Variants in PDCD6 observed in about 807,000 individuals in gnomAD.
PDCD6 encodes the protein programmed cell death 6.
In PDCD6, 12 loss-of-function variants were observed where a neutral mutation model predicts 28.3. That is an observed-to-expected ratio of 0.42 (90% CI 0.27 to 0.69). The LOEUF (loss-of-function observed/expected upper bound fraction) is 0.69. Among genes scored for constraint, PDCD6 ranks in the 30% least tolerant of loss-of-function variants. The probability of loss-of-function intolerance (pLI) is 0.22; values close to 1 mark genes in which losing one functional copy is unlikely to be tolerated. For missense variants in PDCD6, 226 were observed against 269.9 expected (o/e 0.84, Z 1.14); for synonymous variants, 92 against 108.0 (o/e 0.85, Z 0.92).
intron 1 of PDCD6, 67 bp from the exon 2 acceptor site, chr5:272,644 G>A (rs2126673080): frequency 4.6e-6 from 7 of 1,535,556 alleles, no homozygotes; most frequent in Non-Finnish European, 6.2e-6. Context: ...AGGGTTGACA[G>A]AAGACGTTTG....
In PDCD6 at chr5:271,693, G is replaced by A; in HGVS notation, c.-28G>A. On this transcript the variant is annotated 5_prime_UTR_variant, in exon 1 of 6. Coordinates refer to ENST00000264933, the MANE Select transcript of PDCD6 (RefSeq NM_013232.4). Reference sequence around the variant, plus strand: ...TGAGAGGTCTCTCGTCGCTGCAGGCGCCTCAGCCCAGCCGCGTGCCTTGGC... The same window carrying A: ...TGAGAGGTCTCTCGTCGCTGCAGGCACCTCAGCCCAGCCGCGTGCCTTGGC... The A allele has an allele frequency of 7.3e-7, 1 of 1,371,992 alleles. No homozygotes were observed. Among genetic ancestry groups the A allele is most frequent in the Non-Finnish European group, 1.0e-6 (1 of 997,058 alleles). The allele number at this position is 1,371,992 out of a possible 1,614,324, so 85.0% of individuals were successfully genotyped here.
At chr5:302,488 CTGCTG>C (rs1740153854) in intron 2 of PDCD6, among the ~76,000 whole-genome samples, 1 of 78,690 alleles carries the variant, frequency 1.3e-5, no homozygotes, top group Non-Finnish European at 2.2e-5. Flanking sequence ...TGGAGTGCTG[CTGCTG>C]TGTGTGTGTG....
Position 314,781 on chromosome 5 carries a change from G to T in PDCD6, c.*266G>T. On this transcript the variant is annotated 3_prime_UTR_variant, in exon 6 of 6. Transcript: ENST00000264933. ...ATGTAATGTTTCAGGCATTCTGCTT[G>T]CAAAAAAATCTATCATGTGCTTTTC... is the stretch of plus-strand genomic sequence containing the variant. 1.9e-6 allele frequency: 1 copy of T among 531,780 alleles called. No individual in the cohort carries two copies. Among genetic ancestry groups the T allele is most frequent in the South Asian group, 2.0e-5 (1 of 51,064 alleles). The allele number at this position is 531,780 out of a possible 1,614,324, so 32.9% of individuals were successfully genotyped here. A position where few individuals can be genotyped will look rare whatever the true frequency, so the allele number is the denominator to read the frequency against.
chr5:314,577 T>G lies in PDCD6; in HGVS notation c.*62T>G. 1 of 1,164,368 alleles carries G rather than the reference T, an allele frequency of 8.6e-7. No homozygotes were observed. Among genetic ancestry groups the G allele is most frequent in the Non-Finnish European group, 1.3e-6 (1 of 774,102 alleles). The allele number at this position is 1,164,368 out of a possible 1,614,324, so 72.1% of individuals were successfully genotyped here. A position where few individuals can be genotyped will look rare whatever the true frequency, so the allele number is the denominator to read the frequency against. On this transcript the variant is annotated 3_prime_UTR_variant, in exon 6 of 6. Transcript: ENST00000264933. ...GAGCCAAAATGTCACAGTTCCTATCTGTGAGGGAATGGAGCACAGGTGCAG... is the reference window on the plus strand; with the variant it reads ...GAGCCAAAATGTCACAGTTCCTATCGGTGAGGGAATGGAGCACAGGTGCAG...
At chr5:302,993 C>T (rs1048690256) in intron 2 of PDCD6, among the ~76,000 whole-genome samples, 26 of 152,220 alleles carry the variant, frequency 1.7e-4, no homozygotes, top group African/African-American at 6.3e-4. Context: ...GGGAGGTGCT[C>T]AGGCGGAGCA....
chr5:314,724 TTTGGTGACTGTCTCA>T lies in PDCD6; in HGVS notation c.*213_*227del, dbSNP rs1741159005. ...GTATCGTTCTAATGCAGACATTGGA[TTTGGTGACTGTCTCA>T]TTGTGCCATGAGGTAAATGTAATGT... On this transcript the variant is annotated 3_prime_UTR_variant, in exon 6 of 6. Transcript: ENST00000264933. 6.1e-6 allele frequency: 4 copies of T among 654,902 alleles called. No individual in the cohort carries two copies. The highest frequency in any genetic ancestry group is 1.1e-5 in the Non-Finnish European group (4 of 354,406). The allele number at this position is 654,902 out of a possible 1,614,324, so 40.6% of individuals were successfully genotyped here. A position where few individuals can be genotyped will look rare whatever the true frequency, so the allele number is the denominator to read the frequency against.
intron 2 of PDCD6, among the ~76,000 whole-genome samples, chr5:298,109 G>C (rs560913612): frequency 1.3e-5 from 2 of 152,218 alleles, no homozygotes; most frequent in Admixed American, 6.5e-5. Flanking sequence ...CAGGCACACA[G>C]AACTGACCCA....
intron 2 of PDCD6, among the ~76,000 whole-genome samples, chr5:281,230 TCTG>T (rs1251428513): frequency 1.3e-5 from 2 of 152,376 alleles, no homozygotes; most frequent in Admixed American, 6.5e-5. Context: ...TTCATTTACT[TCTG>T]CTGCAGTTTT....
At chr5:312,770 A>G (rs1305048798) in intron 5 of PDCD6, among the ~76,000 whole-genome samples, 1 of 152,148 alleles carries the variant, frequency 6.6e-6, no homozygotes, top group Non-Finnish European at 1.5e-5. Flanking sequence ...AGATCACACC[A>G]CTGCACTCCA....
rs74787761 is a variant in PDCD6, at chr5:307,876, C to T, written c.367+1116C>T. 7.2e-5 allele frequency among the ~76,000 whole-genome samples: 11 copies of T among 152,212 alleles called. No individual in the cohort carries two copies. Among genetic ancestry groups the T allele is most frequent in the South Asian group, 2.1e-4 (1 of 4,816 alleles). On this transcript the variant is annotated intron_variant, in intron 4 of 5. Transcript: ENST00000264933. This position sits in a 1 kb window ranked among gnomAD's most constrained non-coding sequence, Gnocchi z 6.1. Reference sequence around the variant, plus strand: ...CACCTTACGAGCTTGTCCACAGGGCCGGGGGTGGACACTGGGTCTCCTCAA... The same window carrying T: ...CACCTTACGAGCTTGTCCACAGGGCTGGGGGTGGACACTGGGTCTCCTCAA...
intron 4 of PDCD6, chr5:308,100 G>A (rs531083426): frequency 6.6e-6 from 1 of 152,420 alleles, no homozygotes; most frequent in Admixed American, 6.5e-5. Context: ...GGTCCTGGGG[G>A]CCAGGGAGGC....
At chr5:278,144 C>T (rs1738320970) in intron 2 of PDCD6, among the ~76,000 whole-genome samples, 1 of 152,148 alleles carries the variant, frequency 6.6e-6, no homozygotes, top group African/African-American at 2.4e-5. Context: ...TGTTCAGAGG[C>T]AGAGACAGGC....
chr5:293,254 G>A (rs1446746224), intron 2 of PDCD6, among the ~76,000 whole-genome samples: 4 of 149,834 alleles, frequency 2.7e-5, no homozygotes, highest in East Asian at 4.0e-4. Context: ...GAACAGCACA[G>A]GGCACTGGGA....
At chr5:288,696 A>G in intron 2 of PDCD6, 1 of 423,826 alleles carries the variant, frequency 2.4e-6, no homozygotes, top group South Asian at 5.9e-5. Flanking sequence ...TCTTCCAGGA[A>G]TTATCCATAA....
At chr5:299,671 C>T (rs576730370) in intron 2 of PDCD6, among the ~76,000 whole-genome samples, 66 of 151,954 alleles carry the variant, frequency 4.3e-4, no homozygotes, top group East Asian at 2.3e-3. Context: ...TGCCTCAGCC[C>T]CCCGAGTAGC....
At chr5:293,936 T>A (rs1739441264) in intron 2 of PDCD6, among the ~76,000 whole-genome samples, 1 of 92,638 alleles carries the variant, frequency 1.1e-5, no homozygotes, top group Non-Finnish European at 1.9e-5. Context: ...GAGAAAGGTA[T>A]GACAGGAAGA....
chr5:313,837 C>G (rs1741092630), intron 5 of PDCD6: 1 of 156,192 alleles, frequency 6.4e-6, no homozygotes. Flanking sequence ...ACCATGCTGG[C>G]CTGAATCTTC....
chr5:299,614 A>G (rs906436216), intron 2 of PDCD6, among the ~76,000 whole-genome samples: 8 of 151,472 alleles, frequency 5.3e-5, no homozygotes, highest in Non-Finnish European at 1.2e-4. Flanking sequence ...CAGTGGTGCA[A>G]TCTCAGCTCA....
chr5:312,637 T>C (rs1250450187), intron 5 of PDCD6, among the ~76,000 whole-genome samples: 4 of 152,058 alleles, frequency 2.6e-5, no homozygotes, highest in African/African-American at 9.7e-5. Flanking sequence ...TTTACAATGT[T>C]CTCTGAACAC....
Sources: allele counts gnomAD v4.1 joint callset (sites outside exome capture counted in the v4.1 genomes callset), GRCh38; gene constraint gnomAD v4.1.1; non-coding constraint Gnocchi (gnomAD v3.1); transcripts MANE v1.5; gene names NCBI Gene and HGNC (gene_info 2026-07-23, HGNC 2026-07-21).